EPS15: variants seen among roughly 807,000 people sequenced by gnomAD.
EPS15 encodes epidermal growth factor receptor pathway substrate 15.
EPS15 carries 72 observed loss-of-function variants against 113.8 expected under a neutral mutation model. The observed-to-expected ratio is 0.63, with a 90% confidence interval of 0.52 to 0.77. The LOEUF (loss-of-function observed/expected upper bound fraction) is 0.77. Among genes scored for constraint, EPS15 ranks in the 30% least tolerant of loss-of-function variants. The pLI is 0.00. For synonymous variants in EPS15, 344 were observed against 363.4 expected, an observed-to-expected ratio of 0.95 and a Z score of 0.61; for missense variants, 1,048 against 1,045.8, an observed-to-expected ratio of 1.00 and a Z score of -0.03.
chr1:51,364,105 T>C (rs944716466), intron 22 of EPS15, 77 bp from the exon 23 acceptor site: 14 of 1,140,886 alleles, frequency 1.2e-5, no homozygotes, highest in Non-Finnish European at 1.7e-5. Context: ...AGAATAATGA[T>C]TTCAGTATTA....
intron 12 of EPS15, among the ~76,000 whole-genome samples, chr1:51,435,883 ATT>A (rs1652110178): frequency 6.6e-6 from 1 of 152,234 alleles, no homozygotes; most frequent in African/African-American, 2.4e-5. Flanking sequence ...AAGAGACAAT[ATT>A]TAAGACGGGT....
chr1:51,516,004 CT>C (rs140135600), intron 1 of EPS15, among the ~76,000 whole-genome samples: 57 of 147,606 alleles, frequency 3.9e-4, no homozygotes, highest in African/African-American at 7.4e-4. Flanking sequence ...CTATTGGAAA[CT>C]TTTTTTTTTT....
intron 10 of EPS15, among the ~76,000 whole-genome samples, chr1:51,446,126 G>A (rs1275005298): frequency 2.0e-5 from 3 of 152,116 alleles, no homozygotes; most frequent in Non-Finnish European, 4.4e-5. Context: ...TCTGCCTCTT[G>A]AAAACCTGAA....
intron 21 of EPS15, among the ~76,000 whole-genome samples, chr1:51,367,745 G>C (rs1646539398): frequency 6.6e-6 from 1 of 152,178 alleles, no homozygotes; most frequent in African/African-American, 2.4e-5. Flanking sequence ...ATTGCTGCCT[G>C]ATACAGGAAG....
intron 1 of EPS15, among the ~76,000 whole-genome samples, chr1:51,482,063 G>C (rs1430799850): frequency 6.6e-6 from 1 of 152,150 alleles, no homozygotes; most frequent in Non-Finnish European, 1.5e-5. Context: ...CCAGCTACTT[G>C]GGAGGCTGAG....
chr1:51,422,772 G>A (rs1424319616), intron 12 of EPS15, among the ~76,000 whole-genome samples: 2 of 152,216 alleles, frequency 1.3e-5, no homozygotes, highest in Non-Finnish European at 2.9e-5. Flanking sequence ...TACAAAATGA[G>A]AGAAAAAGCT....
intron 12 of EPS15, among the ~76,000 whole-genome samples, chr1:51,430,796 AT>A (rs892395565): frequency 9.4e-5 from 14 of 148,490 alleles, no homozygotes; most frequent in Middle Eastern, 3.2e-3. Context: ...TCTCTATAAA[AT>A]TTTTTTTTTT....
At chr1:51,515,154 T>C (rs1335378061) in intron 1 of EPS15, among the ~76,000 whole-genome samples, 3 of 152,142 alleles carry the variant, frequency 2.0e-5, no homozygotes, top group Non-Finnish European at 4.4e-5. Context: ...TACAGTTATA[T>C]CACTCTTGTA....
intron 11 of EPS15, among the ~76,000 whole-genome samples, chr1:51,443,507 C>T (rs764186979): frequency 7.9e-5 from 12 of 151,666 alleles, no homozygotes; most frequent in South Asian, 2.1e-4. Flanking sequence ...CAAAAAGGCC[C>T]CCCCCATAAC....
At chr1:51,390,382 C>T (rs1333261504) in intron 21 of EPS15, among the ~76,000 whole-genome samples, 332 of 151,594 alleles carry the variant, frequency 2.2e-3, no homozygotes, top group African/African-American at 6.1e-3. Context: ...ACCTAGGCAT[C>T]ACCATTCAGG....
intron 21 of EPS15, 148 bp from the exon 22 acceptor site, chr1:51,366,177 C>G: frequency 1.8e-6 from 1 of 565,436 alleles, no homozygotes; most frequent in East Asian, 3.0e-5. Flanking sequence ...AAGTGATCCT[C>G]CCACCTCAGC....
intron 12 of EPS15, among the ~76,000 whole-genome samples, chr1:51,427,064 T>C (rs1472811873): frequency 6.6e-6 from 1 of 152,080 alleles, no homozygotes; most frequent in Non-Finnish European, 1.5e-5. Context: ...AGCCTCCGTT[T>C]TCTTCTCTTC....
At chr1:51,494,023 T>A (rs1343132377) in intron 1 of EPS15, among the ~76,000 whole-genome samples, 8 of 152,158 alleles carry the variant, frequency 5.3e-5, no homozygotes, top group Non-Finnish European at 1.0e-4. Context: ...CTCACTGTCA[T>A]CTTCTCTACC....
chr1:51,472,530 T>A (rs1230303203), intron 3 of EPS15, among the ~76,000 whole-genome samples: 1 of 152,166 alleles, frequency 6.6e-6, no homozygotes, highest in Non-Finnish European at 1.5e-5. Flanking sequence ...GAGACAGTTA[T>A]AACAGAGGAA....
At chr1:51,470,353 T>C (rs1655144816) in intron 4 of EPS15, among the ~76,000 whole-genome samples, 1 of 151,964 alleles carries the variant, frequency 6.6e-6, no homozygotes, top group African/African-American at 2.4e-5. Flanking sequence ...TATGCTAACT[T>C]AAAAATCTGG....
At chr1:51,411,545 G>A (rs1488382600) in intron 13 of EPS15, among the ~76,000 whole-genome samples, 1 of 152,090 alleles carries the variant, frequency 6.6e-6, no homozygotes, top group Non-Finnish European at 1.5e-5. Flanking sequence ...TAATATTGAA[G>A]GAGAAGAAAT....
chr1:51,385,203 T>A (rs1292368582), intron 21 of EPS15, among the ~76,000 whole-genome samples: 2 of 152,098 alleles, frequency 1.3e-5, no homozygotes, highest in Non-Finnish European at 2.9e-5. Context: ...GGGGTTAATA[T>A]CTAGGATATA....
chr1:51,357,426 A>ATATATATTTT (rs1443627608), intron 24 of EPS15, among the ~76,000 whole-genome samples: 3 of 53,538 alleles, frequency 5.6e-5, no homozygotes, highest in African/African-American at 2.9e-4. Context: ...ATATATATAT[A>ATATATATTTT]TTTTTTTTTT....
At chr1:51,440,752 T>C (rs1652536162) in intron 11 of EPS15, among the ~76,000 whole-genome samples, 1 of 152,038 alleles carries the variant, frequency 6.6e-6, no homozygotes, top group Non-Finnish European at 1.5e-5. Context: ...AGATGCCAGA[T>C]TCATAAACTA....
Sources: allele counts gnomAD v4.1 joint callset (sites outside exome capture counted in the v4.1 genomes callset), GRCh38; gene constraint gnomAD v4.1.1; transcripts MANE v1.5; gene names NCBI Gene and HGNC (gene_info 2026-07-23, HGNC 2026-07-21).